The following UBE2R2 variants were observed in gnomAD, a reference collection of about 807,000 sequenced individuals.
UBE2R2 encodes the protein ubiquitin-conjugating enzyme E2 R2.
Under a neutral mutation model 27.8 loss-of-function variants are expected in UBE2R2, and 1 was observed. The ratio of observed to expected loss-of-function variants is 0.04; its 90% CI spans 0.01 to 0.17. The LOEUF is 0.17. Ranked by LOEUF, UBE2R2 falls within the 10% of genes least tolerant of loss-of-function variation. UBE2R2 has a pLI of 1.00. For missense variants in UBE2R2, 100 were observed against 291.0 expected (o/e 0.34, Z 4.78); for synonymous variants, 106 against 113.3 (o/e 0.94, Z 0.41).
intron 1 of UBE2R2, among the ~76,000 whole-genome samples, chr9:33,845,387 C>T (rs980722113): frequency 2.9e-4 from 44 of 151,920 alleles, no homozygotes; most frequent in Middle Eastern, 6.8e-3. Context: ...GCTGTGACTA[C>T]AGGCGCCCGC....
At chr9:33,829,233 G>T (rs867311882) in intron 1 of UBE2R2, among the ~76,000 whole-genome samples, 13 of 152,162 alleles carry the variant, frequency 8.5e-5, no homozygotes, top group African/African-American at 3.1e-4. Flanking sequence ...TTGAATAAGA[G>T]AATGATAAAT....
chr9:33,883,324 A>G (rs547247734), intron 1 of UBE2R2, among the ~76,000 whole-genome samples: 1 of 152,140 alleles, frequency 6.6e-6, no homozygotes, highest in Non-Finnish European at 1.5e-5. Context: ...ACTCAGTCCC[A>G]CAAGAAAGAC....
chr9:33,819,341 C>T (rs1323805742), intron 1 of UBE2R2, among the ~76,000 whole-genome samples: 3 of 152,108 alleles, frequency 2.0e-5, no homozygotes, highest in African/African-American at 2.4e-5. Context: ...GGGATTGATA[C>T]AGGAATGTTT....
intron 1 of UBE2R2, among the ~76,000 whole-genome samples, chr9:33,861,727 A>T (rs568023757): frequency 6.6e-6 from 1 of 152,198 alleles, no homozygotes; most frequent in Non-Finnish European, 1.5e-5. Context: ...TATTTAAGGT[A>T]AACTTGAATG....
At chr9:33,821,802 A>T (rs1048342135) in intron 1 of UBE2R2, among the ~76,000 whole-genome samples, 1 of 151,546 alleles carries the variant, frequency 6.6e-6, no homozygotes, top group African/African-American at 2.4e-5. Flanking sequence ...TATTTTTAGT[A>T]GAGACAGGGT....
intron 1 of UBE2R2, among the ~76,000 whole-genome samples, chr9:33,826,581 C>G (rs768297017): frequency 1.5e-4 from 23 of 152,104 alleles, no homozygotes; most frequent in Admixed American, 5.2e-4. Flanking sequence ...GCCTGTAGTT[C>G]CAGCTACCCG....
intron 1 of UBE2R2, among the ~76,000 whole-genome samples, chr9:33,862,958 G>A (rs886999895): frequency 1.3e-5 from 2 of 152,046 alleles, no homozygotes; most frequent in African/African-American, 4.8e-5. Context: ...GGAGGCCTAG[G>A]TGGGCAGATC....
At chr9:33,883,054 A>C (rs1216299119) in intron 1 of UBE2R2, among the ~76,000 whole-genome samples, 1 of 152,120 alleles carries the variant, frequency 6.6e-6, no homozygotes, top group Non-Finnish European at 1.5e-5. Flanking sequence ...ATGCCACTGC[A>C]CTTCAGCCTG....
intron 1 of UBE2R2, among the ~76,000 whole-genome samples, chr9:33,877,815 G>GTCTCTCTCTCTCTC (rs1439369271): frequency 4.2e-5 from 4 of 95,734 alleles, no homozygotes; most frequent in South Asian, 8.3e-4. Context: ...CTGTCTGTCT[G>GTCTCTCTCTCTCTC]TCTGTCTGTC....
intron 1 of UBE2R2, among the ~76,000 whole-genome samples, chr9:33,872,451 A>C (rs147607336): frequency 1.0e-3 from 155 of 152,232 alleles, no homozygotes; most frequent in African/African-American, 3.6e-3. Context: ...ATTGAGAGGA[A>C]GTTACAGATG....
At chr9:33,899,826 A>G (rs1040486645) in intron 2 of UBE2R2, among the ~76,000 whole-genome samples, 1 of 152,196 alleles carries the variant, frequency 6.6e-6, no homozygotes, top group Non-Finnish European at 1.5e-5. Context: ...GGATTGTACT[A>G]TAGGAATAGT....
intron 1 of UBE2R2, among the ~76,000 whole-genome samples, chr9:33,863,806 GC>G (rs1821301578): frequency 6.6e-6 from 1 of 151,932 alleles, no homozygotes; most frequent in South Asian, 2.1e-4. Flanking sequence ...TCCTGCCTCA[GC>G]CTCCTGAGTA....
intron 1 of UBE2R2, among the ~76,000 whole-genome samples, chr9:33,827,896 G>A (rs1425175588): frequency 2.0e-5 from 3 of 151,674 alleles, no homozygotes; most frequent in East Asian, 1.9e-4. Context: ...GCTTGAACCC[G>A]GGAGGCGGAG....
intron 2 of UBE2R2, among the ~76,000 whole-genome samples, chr9:33,889,611 T>C (rs1272879570): frequency 6.6e-6 from 1 of 152,210 alleles, no homozygotes; most frequent in Non-Finnish European, 1.5e-5. Flanking sequence ...CCTTTACAGT[T>C]ACGTGGTGTA....
intron 1 of UBE2R2, among the ~76,000 whole-genome samples, chr9:33,870,542 G>C (rs769954396): frequency 5.3e-5 from 8 of 152,188 alleles, no homozygotes; most frequent in Non-Finnish European, 1.2e-4. Flanking sequence ...GAGGAGCCAA[G>C]AAGTATGAGA....
chr9:33,884,959 G>A (rs1262837056), intron 1 of UBE2R2, among the ~76,000 whole-genome samples: 1 of 152,112 alleles, frequency 6.6e-6, no homozygotes, highest in Non-Finnish European at 1.5e-5. Context: ...ATTATATAAT[G>A]TCGATATTAT....
intron 1 of UBE2R2, among the ~76,000 whole-genome samples, chr9:33,879,480 G>T (rs1821684004): frequency 6.6e-6 from 1 of 152,064 alleles, no homozygotes. Context: ...CTGAGACAGG[G>T]TCTTGCTCTG....
chr9:33,878,937 C>T (rs1821672960), intron 1 of UBE2R2, among the ~76,000 whole-genome samples: 1 of 152,042 alleles, frequency 6.6e-6, no homozygotes, highest in Non-Finnish European at 1.5e-5. Flanking sequence ...ATTGCTTTTC[C>T]CTCGGTCCCA....
intron 1 of UBE2R2, among the ~76,000 whole-genome samples, chr9:33,884,440 C>T (rs1047093661): frequency 6.6e-5 from 10 of 151,412 alleles, no homozygotes; most frequent in Non-Finnish European, 7.4e-5. Context: ...CCACCATACC[C>T]GACTGATTTT....
Sources: allele counts gnomAD v4.1 joint callset (sites outside exome capture counted in the v4.1 genomes callset), GRCh38; gene constraint gnomAD v4.1.1; transcripts MANE v1.5; gene names NCBI Gene and HGNC (gene_info 2026-07-23, HGNC 2026-07-21).